The following ZNF589 variants were observed in gnomAD, a reference collection of about 807,000 sequenced individuals.
The protein encoded by ZNF589 is zinc finger protein 589.
In ZNF589, 17 loss-of-function variants were observed where a neutral mutation model predicts 13.6. The ratio of observed to expected loss-of-function variants is 1.25; its 90% confidence interval spans 0.86 to 1.88. The LOEUF (loss-of-function observed/expected upper bound fraction) is 1.88. Among genes scored for constraint, ZNF589 ranks in the 40% most tolerant of loss-of-function variants. The pLI is 0.00. For missense variants in ZNF589, 407 were observed against 434.0 expected (o/e 0.94, Z 0.55); for synonymous variants, 148 against 161.6 (o/e 0.92, Z 0.64).
chr3:48,241,353 C>A, intron 1 of ZNF589, 139 bp downstream of exon 1: 1 of 1,110,778 alleles, frequency 9.0e-7, no homozygotes, highest in Non-Finnish European at 1.3e-6. Flanking sequence ...GCGGCTCTTA[C>A]TCCCCTGGGG....
intron 1 of ZNF589, among the ~76,000 whole-genome samples, chr3:48,243,923 G>T (rs2033731445): frequency 6.6e-6 from 1 of 152,196 alleles, no homozygotes; most frequent in African/African-American, 2.4e-5. Flanking sequence ...TTGCTTAAGT[G>T]CTTCCCAGAT....
intron 2 of ZNF589, among the ~76,000 whole-genome samples, chr3:48,257,773 T>C (rs887982165): frequency 2.0e-5 from 3 of 152,150 alleles, no homozygotes; most frequent in Non-Finnish European, 4.4e-5. Flanking sequence ...GGTTAATTTT[T>C]TTGTCTGTGA....
intron 3 of ZNF589, among the ~76,000 whole-genome samples, chr3:48,266,242 C>T (rs1423318055): frequency 6.6e-6 from 1 of 152,192 alleles, no homozygotes; most frequent in Non-Finnish European, 1.5e-5. Flanking sequence ...AAGCTAACCA[C>T]CTTTGGCCTT....
intron 1 of ZNF589, among the ~76,000 whole-genome samples, chr3:48,244,926 T>G (rs1369279974): frequency 6.6e-6 from 1 of 151,942 alleles, no homozygotes; most frequent in Non-Finnish European, 1.5e-5. Flanking sequence ...GTGATTCTCC[T>G]GCCTCAGCCT....
Position 48,269,301 on chromosome 3 carries a change from T to G in ZNF589, c.*515T>G. ...GTCTGCGGAGAGTGTGGGCGAGGCT[T>G]TATAGCTCAGTCAACCCTCCACTAC... is the stretch of plus-strand genomic sequence containing the variant. On this transcript the variant is annotated 3_prime_UTR_variant, in exon 4 of 4. Coordinates refer to ENST00000354698, the MANE Select transcript of ZNF589 (RefSeq NM_016089.3). 4 of 1,525,382 alleles carry G rather than the reference T, an allele frequency of 2.6e-6. No homozygotes were observed. Among genetic ancestry groups the G allele is most frequent in the Non-Finnish European group, 3.6e-6 (4 of 1,119,850 alleles). 94.5% of individuals were successfully genotyped at this position (1,525,382 alleles called of 1,614,324 possible).
At chr3:48,249,411 G>A (rs1443878367) in intron 2 of ZNF589, among the ~76,000 whole-genome samples, 1 of 152,098 alleles carries the variant, frequency 6.6e-6, no homozygotes, top group Non-Finnish European at 1.5e-5. Context: ...CCCATCTTAT[G>A]TTTTCATGCG....
At chr3:48,254,116 C>T (rs796423633) in intron 2 of ZNF589, among the ~76,000 whole-genome samples, 11 of 151,502 alleles carry the variant, frequency 7.3e-5, no homozygotes, top group Middle Eastern at 6.8e-3. Context: ...ACAAGCTGGG[C>T]GTGGTGGCTC....
chr3:48,256,778 G>T, intron 2 of ZNF589: 2 of 1,600,350 alleles, frequency 1.2e-6, no homozygotes, highest in East Asian at 4.5e-5. Context: ...GGGAGTCGCT[G>T]TGATACGGCC....
intron 3 of ZNF589, among the ~76,000 whole-genome samples, chr3:48,263,603 CAAAA>C (rs1311132319): frequency 1.3e-5 from 2 of 151,810 alleles, no homozygotes; most frequent in African/African-American, 4.8e-5. Flanking sequence ...AAAACAAAAA[CAAAA>C]AAACAGGCCG....
At chr3:48,263,471 G>A (rs1289724320) in intron 3 of ZNF589, among the ~76,000 whole-genome samples, 2 of 152,224 alleles carry the variant, frequency 1.3e-5, no homozygotes, top group Admixed American at 6.5e-5. Context: ...AGCTGGGTGC[G>A]GTGGCTCATG....
chr3:48,242,663 G>A lies in ZNF589; in HGVS notation c.43+1449G>A, dbSNP rs142598702. Among the ~76,000 whole-genome samples the A allele has an allele frequency of 3.2e-3, 480 of 152,282 alleles. 3 individuals carry two copies. Among genetic ancestry groups the A allele is most frequent in the African/African-American group, 0.011 (449 of 41,570 alleles). On this transcript the variant is annotated intron_variant, in intron 1 of 3. Transcript: ENST00000354698. ...ATGTTTCAGGCTTTGTAGGCCACAC[G>A]GTCTTTGTTACGACTAGTGGTCTGC...
Position 48,268,509 on chromosome 3 carries a change from A to G in ZNF589, c.818A>G (p.Glu273Gly). The G allele has an allele frequency of 6.2e-7, 1 of 1,613,456 alleles. No individual in the cohort carries two copies. Among genetic ancestry groups the G allele is most frequent in the Non-Finnish European group, 8.5e-7 (1 of 1,179,826 alleles). ...ATACACCAGAGGACACACACAGGAGAAAAGCCTTATGTCTGCGGAGAGTGT... is the reference window on the plus strand; with the variant it reads ...ATACACCAGAGGACACACACAGGAGGAAAGCCTTATGTCTGCGGAGAGTGT... Reference protein sequence around the residue: ...LIIHQRTHTGEKPYVCGECGR... With the variant: ...LIIHQRTHTGGKPYVCGECGR... The change falls in exon 4 of 4, where the codon GAA (glutamate) becomes GGA (glycine). Residue 273 changes from glutamate to glycine, a missense_variant. By Grantham distance (98) the Glu-to-Gly change is moderately conservative. Transcript: ENST00000354698.
chr3:48,258,157 C>T (rs563374991), intron 2 of ZNF589, among the ~76,000 whole-genome samples: 5 of 152,216 alleles, frequency 3.3e-5, no homozygotes, highest in Admixed American at 2.0e-4. Context: ...AACCCATGAA[C>T]GTGCTTTGCC....
chr3:48,270,290 A>G lies in ZNF589; in HGVS notation c.*1504A>G, dbSNP rs1448338706. The G allele has an allele frequency of 2.2e-6, 1 of 452,534 alleles. No individual in the cohort carries two copies. The highest frequency in any genetic ancestry group is 2.0e-5 in the African/African-American group (1 of 49,768). 28.0% of individuals were successfully genotyped at this position (452,534 alleles called of 1,614,324 possible). On this transcript the variant is annotated 3_prime_UTR_variant, in exon 4 of 4. Coordinates refer to ENST00000354698, the MANE Select transcript of ZNF589 (RefSeq NM_016089.3). ...ATCCAAGATTCTTTAACCACACTCT[A>G]AAAGTTCTTCAGACTCAGGACTTAA... is the stretch of plus-strand genomic sequence containing the variant.
intron 2 of ZNF589, among the ~76,000 whole-genome samples, chr3:48,260,346 C>A (rs1414274327): frequency 6.6e-6 from 1 of 152,132 alleles, no homozygotes; most frequent in Non-Finnish European, 1.5e-5. Context: ...CACTGTGTTG[C>A]TCAGGCTAGT....
Position 48,268,662 on chromosome 3 carries a change from G to A in ZNF589, c.971G>A (p.Arg324Lys), listed in dbSNP as rs377506779. The change falls in exon 4 of 4, where the codon AGG (arginine) becomes AAG (lysine). Residue 324 changes from arginine to lysine, a missense_variant. Physicochemically the swap from Arg to Lys is conservative, Grantham distance 26. Coordinates refer to ENST00000354698, the MANE Select transcript of ZNF589 (RefSeq NM_016089.3). ...SCKPYLIRHQ[R>K]THTREKSFMC... ...AAGCCATACCTCATCAGACATCAGA[G>A]GACACACACAAGGGAGAAATCGTTT... 4.3e-6 allele frequency: 7 copies of A among 1,613,768 alleles called. No individual in the cohort carries two copies. In the African/African-American group the frequency reaches 6.7e-5, roughly 15 times the overall value.
In ZNF589 at chr3:48,270,281, C is replaced by T. The variant is rs1236419195; in HGVS notation, c.*1495C>T. 4 of 455,050 alleles carry T rather than the reference C, an allele frequency of 8.8e-6. No individual in the cohort carries two copies. Among genetic ancestry groups the T allele is most frequent in the Non-Finnish European group, 1.8e-5 (4 of 225,912 alleles). 28.2% of individuals were successfully genotyped at this position (455,050 alleles called of 1,614,324 possible). The stretch of plus-strand genomic sequence containing the variant: ...CAGTCCCAAATCCAAGATTCTTTAA[C>T]CACACTCTAAAAGTTCTTCAGACTC... On this transcript the variant is annotated 3_prime_UTR_variant, in exon 4 of 4. Transcript: ENST00000354698.
Position 48,269,037 on chromosome 3 carries a change from G to T in ZNF589, c.*251G>T. ...GAGAAGCCTTATGTGTGTGGGGAAT[G>T]TGGGCGGGGATTTAGCCGGAGGATA... On this transcript the variant is annotated 3_prime_UTR_variant, in exon 4 of 4. Coordinates refer to ENST00000354698, the MANE Select transcript of ZNF589 (RefSeq NM_016089.3). The T allele has an allele frequency of 1.5e-6, 1 of 685,308 alleles. No homozygotes were observed. Among genetic ancestry groups the T allele is most frequent in the South Asian group, 1.8e-5 (1 of 56,094 alleles). The allele number at this position is 685,308 out of a possible 1,614,324, so 42.5% of individuals were successfully genotyped here.
intron 1 of ZNF589, among the ~76,000 whole-genome samples, chr3:48,245,047 G>A (rs2033745320): frequency 1.3e-5 from 2 of 151,736 alleles, no homozygotes; most frequent in South Asian, 2.1e-4. Context: ...ACTACTTACC[G>A]CCCACCTTGG....
Sources: gnomAD v4.1 joint callset for allele counts (sites outside exome capture counted in the v4.1 genomes callset) on GRCh38, gnomAD v4.1.1 for gene constraint, MANE v1.5 for transcripts, NCBI Gene and HGNC (gene_info 2026-07-23, HGNC 2026-07-21) for gene names.